Variants in FLT1 observed in about 807,000 individuals in gnomAD.
The protein encoded by FLT1 is fms related receptor tyrosine kinase 1.
FLT1 carries 49 observed loss-of-function variants against 156.3 expected under a neutral mutation model. The observed-to-expected ratio is 0.31, with a 90% CI of 0.25 to 0.40. FLT1 has a LOEUF of 0.40. Among genes scored for constraint, FLT1 ranks in the 10% least tolerant of loss-of-function variants. The pLI is 1.00. For synonymous variants in FLT1, 594 were observed against 583.8 expected (o/e 1.02, Z -0.25); for missense variants, 1,322 against 1,637.2 (o/e 0.81, Z 3.32).
At chr13:28,432,369 G>C (rs1297712631) in intron 6 of FLT1, among the ~76,000 whole-genome samples, 1 of 152,122 alleles carries the variant, frequency 6.6e-6, no homozygotes, top group Non-Finnish European at 1.5e-5. Context: ...AATAACCAGA[G>C]AGAAAAGTCA....
intron 10 of FLT1, among the ~76,000 whole-genome samples, chr13:28,419,620 C>T (rs1012986749): frequency 3.9e-5 from 6 of 152,218 alleles, no homozygotes; most frequent in Non-Finnish European, 8.8e-5. Context: ...TGGCTCATGC[C>T]TGTAATCCCA....
intron 1 of FLT1, among the ~76,000 whole-genome samples, chr13:28,483,740 T>A (rs1253807846): frequency 2.0e-5 from 3 of 152,172 alleles, no homozygotes; most frequent in Admixed American, 2.0e-4. Flanking sequence ...GGACTGCCAA[T>A]CAAACAGGGA....
chr13:28,425,658 GA>G (rs1877293895), intron 10 of FLT1, among the ~76,000 whole-genome samples: 1 of 151,856 alleles, frequency 6.6e-6, no homozygotes, highest in South Asian at 2.1e-4. Flanking sequence ...AATATATTTA[GA>G]AAAGGCTCTG....
intron 11 of FLT1, chr13:28,399,004 T>C: frequency 7.3e-7 from 1 of 1,362,434 alleles, no homozygotes; most frequent in Non-Finnish European, 1.0e-6. Flanking sequence ...AAATTCTGAA[T>C]AGCCATTTCC....
At chr13:28,475,888 C>T (rs979678629) in intron 1 of FLT1, among the ~76,000 whole-genome samples, 1 of 152,166 alleles carries the variant, frequency 6.6e-6, no homozygotes, top group Admixed American at 6.5e-5. Context: ...TGTCCCATCT[C>T]CTCTCACTTC....
At chr13:28,363,301 G>A (rs1354814898) in intron 14 of FLT1, among the ~76,000 whole-genome samples, 1 of 152,216 alleles carries the variant, frequency 6.6e-6, no homozygotes, top group Admixed American at 6.5e-5. Context: ...CCATTAAGAT[G>A]ATCAGAGGTC....
intron 16 of FLT1, among the ~76,000 whole-genome samples, chr13:28,342,206 T>C (rs2387632): frequency 0.55 from 84,156 of 152,014 alleles, 25,939 homozygotes; most frequent in East Asian, 0.78. Context: ...ATTTCTACTG[T>C]GCTCCTCTAT....
chr13:28,494,874 G>GCCCGCGCTC lies in FLT1; in HGVS notation c.-40_-32dup, dbSNP rs1481681948. ...GCGCGACGCGGCCTGCTCGCCCGGT[G>GCCCGCGCTC]CCCGCGCTCCCCGCGGCCAACGACC... On this transcript the variant is annotated 5_prime_UTR_variant, in exon 1 of 30. Coordinates refer to ENST00000282397, the MANE Select transcript of FLT1 (RefSeq NM_002019.4). 14 of 1,510,148 alleles carry GCCCGCGCTC rather than the reference G, an allele frequency of 9.3e-6. No individual in the cohort carries two copies. The highest frequency in any genetic ancestry group is 1.1e-5 in the Non-Finnish European group (13 of 1,132,476). 93.5% of individuals were successfully genotyped at this position (1,510,148 alleles called of 1,614,324 possible).
intron 3 of FLT1, among the ~76,000 whole-genome samples, chr13:28,446,516 C>A (rs943951427): frequency 6.6e-6 from 1 of 152,120 alleles, no homozygotes; most frequent in African/African-American, 2.4e-5. Context: ...GATGAACAAT[C>A]TGAATGTGAA....
At chr13:28,338,829 C>T (rs1404509289) in intron 17 of FLT1, among the ~76,000 whole-genome samples, 1 of 152,152 alleles carries the variant, frequency 6.6e-6, no homozygotes, top group Non-Finnish European at 1.5e-5. Flanking sequence ...TCTCCGCCGC[C>T]CTTCACTTAC....
At chr13:28,348,916 C>CA (rs5802478) in intron 15 of FLT1, among the ~76,000 whole-genome samples, 21,458 of 122,124 alleles carry the variant, frequency 0.18, 2,148 homozygotes, top group African/African-American at 0.33. Flanking sequence ...GACTCCGTCT[C>CA]AAAAAAAAAA....
chr13:28,481,756 G>C (rs1470108934), intron 1 of FLT1, among the ~76,000 whole-genome samples: 2 of 152,200 alleles, frequency 1.3e-5, no homozygotes, highest in South Asian at 2.1e-4. Context: ...GATAATCTAA[G>C]TCAACAAATA....
intron 13 of FLT1, chr13:28,388,281 T>C: frequency 4.7e-6 from 5 of 1,057,034 alleles, no homozygotes; most frequent in Non-Finnish European, 5.7e-6. Context: ...TCTTTCACGT[T>C]TGACAAAAGC....
chr13:28,380,636 A>G (rs112007335), intron 14 of FLT1, among the ~76,000 whole-genome samples: 2,137 of 129,612 alleles, frequency 0.016, 44 homozygotes, highest in African/African-American at 0.057. Flanking sequence ...GTTTTTAGAT[A>G]TTATTCTTTT....
At chr13:28,403,758 T>C (rs995122591) in intron 11 of FLT1, among the ~76,000 whole-genome samples, 29 of 152,222 alleles carry the variant, frequency 1.9e-4, no homozygotes, top group Non-Finnish European at 2.9e-5. Flanking sequence ...TAAAAATATC[T>C]GAAGGCCGGG....
At chr13:28,404,035 CT>C in intron 11 of FLT1, among the ~76,000 whole-genome samples, 1 of 100,116 alleles carries the variant, frequency 1.0e-5, no homozygotes, top group East Asian at 3.3e-4. Flanking sequence ...GAGTGAGACT[CT>C]TTGTCTCAAA....
chr13:28,357,868 C>CTTTTTTTTTTTTTTTTTTTTTTT (rs57304530), intron 14 of FLT1, among the ~76,000 whole-genome samples, 183 bp from the exon 15 acceptor site: 8 of 104,726 alleles, frequency 7.6e-5, no homozygotes, highest in Admixed American at 3.5e-4. Flanking sequence ...CTTTTCTTTC[C>CTTTTTTTTTTTTTTTTTTTTTTT]TTTTTTTTTT....
intron 1 of FLT1, among the ~76,000 whole-genome samples, chr13:28,474,657 C>T (rs1352342179): frequency 6.6e-6 from 1 of 152,040 alleles, no homozygotes; most frequent in African/African-American, 2.4e-5. Context: ...GTTGCCAGGG[C>T]TTGCGGGGAG....
chr13:28,400,381 G>A (rs1875358733), intron 11 of FLT1, among the ~76,000 whole-genome samples: 1 of 152,082 alleles, frequency 6.6e-6, no homozygotes, highest in Non-Finnish European at 1.5e-5. Flanking sequence ...TAAAAATAAG[G>A]TGAAACATAT....
Sources: allele counts gnomAD v4.1 joint callset (sites outside exome capture counted in the v4.1 genomes callset), GRCh38; gene constraint gnomAD v4.1.1; transcripts MANE v1.5; gene names NCBI Gene and HGNC (gene_info 2026-07-23, HGNC 2026-07-21).